The following SLC26A8 variants were observed in gnomAD, a reference collection of about 807,000 sequenced individuals.
SLC26A8 encodes solute carrier family 26 member 8, also known as testis anion transporter 1.
In SLC26A8, 70 loss-of-function variants were observed where a neutral mutation model predicts 105.0. The ratio of observed to expected loss-of-function variants is 0.67; its 90% CI spans 0.55 to 0.81. SLC26A8 has a LOEUF of 0.81. SLC26A8 is among the 40% of genes least tolerant of loss of function. The probability of loss-of-function intolerance (pLI) is 0.00; values close to 1 mark genes in which losing one functional copy is unlikely to be tolerated. For missense variants in SLC26A8, 998 were observed against 1,181.8 expected, an observed-to-expected ratio of 0.84 and a Z score of 2.28; for synonymous variants, 415 against 438.3, an observed-to-expected ratio of 0.95 and a Z score of 0.66.
chr6:35,952,299 G>A (rs554911781), intron 17 of SLC26A8, among the ~76,000 whole-genome samples: 12 of 152,126 alleles, frequency 7.9e-5, no homozygotes, highest in African/African-American at 1.2e-4. Context: ...AGTAGGGAAC[G>A]GAATTCAGAA....
chr6:35,946,385 C>T (rs1400111117), intron 19 of SLC26A8, among the ~76,000 whole-genome samples: 2 of 152,064 alleles, frequency 1.3e-5, no homozygotes, highest in South Asian at 2.1e-4. Context: ...GACAGGCATG[C>T]GCCACCACAC....
intron 2 of SLC26A8, among the ~76,000 whole-genome samples, chr6:36,018,393 TG>T (rs1762047607): frequency 6.6e-6 from 1 of 152,178 alleles, no homozygotes. Flanking sequence ...TTATGCTAAG[TG>T]AAAGAAGTCA....
chr6:35,988,015 A>T (rs1773596278), intron 7 of SLC26A8, among the ~76,000 whole-genome samples: 1 of 147,836 alleles, frequency 6.8e-6, no homozygotes, highest in South Asian at 2.1e-4. Flanking sequence ...GGGTTAAGTG[A>T]TTCTCCTGCC....
At chr6:35,968,609 G>GTGTATATATA (rs1168496588) in intron 11 of SLC26A8, among the ~76,000 whole-genome samples, 5 of 60,086 alleles carry the variant, frequency 8.3e-5, no homozygotes, top group African/African-American at 2.1e-4. Flanking sequence ...GTGTGTGTGT[G>GTGTATATATA]TATATATATA....
chr6:35,975,302 C>T (rs949283957), intron 10 of SLC26A8, 73 bp downstream of exon 10: 10 of 768,244 alleles, frequency 1.3e-5, no homozygotes, highest in Non-Finnish European at 2.0e-5. Flanking sequence ...CATTTAATTC[C>T]CTACTCTGAA....
At chr6:35,949,181 C>A (rs1179474040) in intron 19 of SLC26A8, among the ~76,000 whole-genome samples, 1 of 151,754 alleles carries the variant, frequency 6.6e-6, no homozygotes, top group Non-Finnish European at 1.5e-5. Context: ...TGCCTGTAAT[C>A]CCAGCACTTT....
intron 6 of SLC26A8, among the ~76,000 whole-genome samples, chr6:35,992,145 G>A (rs914225116): frequency 6.6e-6 from 1 of 152,110 alleles, no homozygotes; most frequent in African/African-American, 2.4e-5. Context: ...CTTACATTTA[G>A]GAACTACTTA....
At chr6:35,959,873 C>A (rs2127298633) in intron 14 of SLC26A8, 67 bp from the exon 15 acceptor site, 2 of 1,201,742 alleles carry the variant, frequency 1.7e-6, no homozygotes, top group East Asian at 2.4e-5. Flanking sequence ...ATAATATATC[C>A]TTAGAAGCTC....
chr6:35,970,565 T>G, intron 10 of SLC26A8, among the ~76,000 whole-genome samples: 1 of 152,190 alleles, frequency 6.6e-6, no homozygotes, highest in East Asian at 1.9e-4. Context: ...TGGATCTAAT[T>G]TCTGGCTCTA....
chr6:35,952,446 A>C (rs1346328091), intron 17 of SLC26A8, among the ~76,000 whole-genome samples: 1 of 152,178 alleles, frequency 6.6e-6, no homozygotes, highest in Non-Finnish European at 1.5e-5. Context: ...ACTGTGGGGC[A>C]ATAAATCTTG....
chr6:35,951,148 G>A lies in SLC26A8; in HGVS notation c.2472+15C>T. The A allele has an allele frequency of 6.5e-7, 1 of 1,529,184 alleles. No individual in the cohort carries two copies. The highest frequency in any genetic ancestry group is 1.9e-4 in the Middle Eastern group (1 of 5,144). The allele number at this position is 1,529,184 out of a possible 1,614,324, so 94.7% of individuals were successfully genotyped here. Reference sequence around the variant, plus strand: ...ATCCCTTCCCCCAACCTCATGCTTTGTCGGTTTGTCTGACCTTGTCTGTTT... The same window carrying A: ...ATCCCTTCCCCCAACCTCATGCTTTATCGGTTTGTCTGACCTTGTCTGTTT... On this transcript the variant is annotated intron_variant, in intron 19 of 19. Transcript: ENST00000490799.
chr6:36,023,418 G>A (rs1286399433), intron 1 of SLC26A8, among the ~76,000 whole-genome samples: 8 of 151,658 alleles, frequency 5.3e-5, no homozygotes, highest in South Asian at 2.1e-4. Context: ...GCATGATGGC[G>A]TGCCTGTAGT....
chr6:35,951,602 CAG>C (rs1481174092), intron 17 of SLC26A8, 103 bp from the exon 18 acceptor site: 3 of 1,216,764 alleles, frequency 2.5e-6, no homozygotes, highest in African/African-American at 3.0e-5. Context: ...TTTTTTGTGA[CAG>C]AGTCTCACTC....
chr6:35,976,550 C>CTTTTTTTTTTTTTTTTT (rs371327114), intron 9 of SLC26A8, among the ~76,000 whole-genome samples: 2 of 130,150 alleles, frequency 1.5e-5, no homozygotes, highest in African/African-American at 6.0e-5. Flanking sequence ...GAAGCCCTCG[C>CTTTTTTTTTTTTTTTTT]TTTTTTTTTT....
intron 2 of SLC26A8, among the ~76,000 whole-genome samples, chr6:36,015,197 T>A (rs1761962877): frequency 6.6e-6 from 1 of 151,060 alleles, no homozygotes; most frequent in African/African-American, 2.4e-5. Flanking sequence ...AACCTTTGCA[T>A]TCCGGTCCTG....
Position 35,951,237 on chromosome 6 carries a change from C to G in SLC26A8, c.2398G>C (p.Val800Leu). The change falls in exon 19 of 20, where the codon GTC becomes CTC. Residue 800 changes from valine (V) to leucine (L), a missense_variant. Physicochemically the swap from Val to Leu is conservative, Grantham distance 32 (BLOSUM62 1). Transcript: ENST00000490799. ...ATGCTTAACTCAGAGGAGCCTATGA[C>G]CTTCCTTGACAAGGCAAACAGCACG... ...DAVLFALSRK[V>L]IGSSELSIDE... is the part of the protein sequence containing the mutation. The G allele has an allele frequency of 6.2e-7, 1 of 1,614,110 alleles. No homozygotes were observed. Among genetic ancestry groups the G allele is most frequent in the Non-Finnish European group, 8.5e-7 (1 of 1,180,032 alleles).
chr6:35,971,788 A>G (rs1041019580), intron 10 of SLC26A8, among the ~76,000 whole-genome samples: 8 of 152,200 alleles, frequency 5.3e-5, no homozygotes, highest in South Asian at 2.1e-4. Flanking sequence ...CAATGCATTC[A>G]TTTCTCTCTT....
Position 35,943,791 on chromosome 6 carries a change from G to C in SLC26A8, c.*109C>G. ...GGCAGGTAGTAGGAGTCACAGTCAG[G>C]AAGGAAGTACTGCTAGTTCGTATCC... On this transcript the variant is annotated 3_prime_UTR_variant, in exon 20 of 20. Coordinates refer to ENST00000490799, the MANE Select transcript of SLC26A8 (RefSeq NM_052961.4). 2 of 1,473,428 alleles carry C rather than the reference G, an allele frequency of 1.4e-6. No individual in the cohort carries two copies. Among genetic ancestry groups the C allele is most frequent in the Non-Finnish European group, 1.8e-6 (2 of 1,100,700 alleles). The allele number at this position is 1,473,428 out of a possible 1,614,324, so 91.3% of individuals were successfully genotyped here.
intron 2 of SLC26A8, among the ~76,000 whole-genome samples, chr6:36,017,902 A>G (rs902493022): frequency 1.3e-5 from 2 of 152,244 alleles, no homozygotes; most frequent in South Asian, 4.1e-4. Context: ...CAATTAACCA[A>G]TAAACACACC....
Sources: gnomAD v4.1 joint callset for allele counts (sites outside exome capture counted in the v4.1 genomes callset) on GRCh38, gnomAD v4.1.1 for gene constraint, MANE v1.5 for transcripts, NCBI Gene and HGNC (gene_info 2026-07-23, HGNC 2026-07-21) for gene names.